SLC31A2: variants seen among roughly 807,000 people sequenced by gnomAD.
The protein encoded by SLC31A2 is protein SLC31A2.
SLC31A2 carries 16 observed loss-of-function variants against 14.4 expected under a neutral mutation model. The ratio of observed to expected loss-of-function variants is 1.11; its 90% CI spans 0.75 to 1.69. The LOEUF is 1.69. Ranked by LOEUF, SLC31A2 falls within the 40% of genes most tolerant of loss-of-function variation. The probability of loss-of-function intolerance (pLI) is 0.00; values close to 1 mark genes in which losing one functional copy is unlikely to be tolerated. For synonymous variants in SLC31A2, 56 were observed against 68.7 expected (o/e 0.82, Z 0.91); for missense variants, 140 against 173.9 (o/e 0.81, Z 1.10).
At chr9:113,157,672 G>T in intron 1 of SLC31A2, 55 bp from the exon 2 acceptor site, 1 of 1,419,946 alleles carries the variant, frequency 7.0e-7, no homozygotes, top group South Asian at 1.2e-5. Context: ...GAGCATTAAG[G>T]ACCGTAACTT....
intron 1 of SLC31A2, chr9:113,156,087 A>G (rs759806433): frequency 3.9e-6 from 2 of 518,978 alleles, no homozygotes; most frequent in South Asian, 2.8e-5. Context: ...CACATGGCAC[A>G]GCTTCCTGAC....
intron 1 of SLC31A2, among the ~76,000 whole-genome samples, chr9:113,154,806 G>A (rs1314591105): frequency 6.6e-6 from 1 of 152,162 alleles, no homozygotes; most frequent in Non-Finnish European, 1.5e-5. Context: ...GTTGTCCGCT[G>A]TTGTCCCTGG....
intron 3 of SLC31A2, chr9:113,162,203 C>A: frequency 3.6e-6 from 1 of 280,932 alleles, no homozygotes; most frequent in Non-Finnish European, 6.9e-6. Flanking sequence ...AGCCTGCCCG[C>A]TCCATCACTA....
intron 2 of SLC31A2, among the ~76,000 whole-genome samples, chr9:113,159,575 CT>C (rs1185396269): frequency 6.6e-6 from 1 of 152,110 alleles, no homozygotes; most frequent in Non-Finnish European, 1.5e-5. Flanking sequence ...CAACTTTTTC[CT>C]TTTCCTACGC....
intron 3 of SLC31A2, 168 bp from the exon 4 acceptor site, chr9:113,162,580 TG>T: frequency 2.7e-6 from 1 of 376,976 alleles, no homozygotes; most frequent in Non-Finnish European, 4.2e-6. Context: ...GAGTTTTTTC[TG>T]GGGGCGGGGG....
At chr9:113,156,069 A>G (rs1167547505) in intron 1 of SLC31A2, 2 of 518,842 alleles carry the variant, frequency 3.9e-6, no homozygotes, top group Non-Finnish European at 7.7e-6. Context: ...AGGAGGCTAC[A>G]GGACACCCAC....
rs1829869865 is a variant in SLC31A2 at position 113,151,786 on chromosome 9, AC to A, written c.6+710del. The A allele has an allele frequency of 2.6e-5, 4 of 152,172 alleles. No homozygotes were observed. In the South Asian group the frequency reaches 8.3e-4, roughly 32 times the overall value. The allele number at this position is 152,172 out of a possible 1,614,324, so 9.4% of individuals were successfully genotyped here. ...AGCTCAGCCTGGGCAACATAGCTAG[AC>A]CCCGTCTCTACAAAAATTAGCCACA... On this transcript the variant is annotated intron_variant, in intron 1 of 3. Coordinates refer to ENST00000259392, the MANE Select transcript of SLC31A2 (RefSeq NM_001860.3). This position sits in a 1 kb window ranked among gnomAD's most constrained non-coding sequence, Gnocchi z 4.2.
chr9:113,160,369 A>T (rs963227655), intron 2 of SLC31A2, among the ~76,000 whole-genome samples: 2 of 151,896 alleles, frequency 1.3e-5, no homozygotes, highest in Non-Finnish European at 2.9e-5. Context: ...AAAAAAAATT[A>T]TTCATATATA....
At position 113,157,734 on chromosome 9, in the gene SLC31A2, T is replaced by G. The variant is rs1224616077; in HGVS notation, c.14T>G (p.Phe5Cys). The G allele has an allele frequency of 6.2e-7, 1 of 1,612,294 alleles. No individual in the cohort carries two copies. Among genetic ancestry groups the G allele is most frequent in the Admixed American group, 1.7e-5 (1 of 59,836 alleles). ...GATTCCTTTCTCTTTCAGATGCATT[T>G]CATCTTCTCAGATACAGCGGTGCTT... MAMH[F>C]IFSDTAVLLF... Residue 5 changes from phenylalanine (F) to cysteine (C), a missense_variant, in exon 2 of 4, where the codon TTC becomes TGC. By Grantham distance (205) the Phe-to-Cys change is radical. Transcript: ENST00000259392.
rs1829867889 is a variant in SLC31A2, at chr9:113,151,604, C to G, written c.6+524C>G. On this transcript the variant is annotated intron_variant, in intron 1 of 3. Transcript: ENST00000259392. This position sits in a 1 kb window ranked among gnomAD's most constrained non-coding sequence, Gnocchi z 4.2. ...CCAGCTACTTTCCAGCTTCCCTACA[C>G]TTTCAGTCAGAAAACAGCGTTTCAG... The G allele has an allele frequency of 6.5e-6, 1 of 153,074 alleles. No homozygotes were observed. The highest frequency in any genetic ancestry group is 2.1e-4 in the South Asian group (1 of 4,840). The allele number at this position is 153,074 out of a possible 1,614,324, so 9.5% of individuals were successfully genotyped here.
chr9:113,161,388 AG>A lies in SLC31A2; in HGVS notation c.74-118del, dbSNP rs1225526487. 1.0e-5 allele frequency: 9 copies of A among 882,188 alleles called. No homozygotes were observed. In the Admixed American group the frequency reaches 1.1e-4, roughly 11 times the overall value. 54.6% of individuals were successfully genotyped at this position (882,188 alleles called of 1,614,324 possible). On this transcript the variant is annotated intron_variant, in intron 2 of 3. Transcript: ENST00000259392. ...CAGTGAAGAAGTTCGGAACTCAGCA[AG>A]GGTGGGGAAGAAGGTGCAGGATAGA...
At chr9:113,152,674 CAGGT>C (rs1476055960) in intron 1 of SLC31A2, among the ~76,000 whole-genome samples, 3 of 152,216 alleles carry the variant, frequency 2.0e-5, no homozygotes, top group African/African-American at 4.8e-5. Context: ...CCCTCATAGA[CAGGT>C]AGCTCCCTAA....
At chr9:113,159,452 T>G (rs1375213162) in intron 2 of SLC31A2, among the ~76,000 whole-genome samples, 1 of 152,162 alleles carries the variant, frequency 6.6e-6, no homozygotes, top group Non-Finnish European at 1.5e-5. Context: ...ATTGTATTCT[T>G]TTTTGCACTG....
chr9:113,151,065 C>G lies in SLC31A2; in HGVS notation c.-10C>G. ...AGACGCGGCCCTGGCGCCCGCCCTG[C>G]GCACTCACCATGGCGGTAAGGGCCG... On this transcript the variant is annotated 5_prime_UTR_variant, in exon 1 of 4. Coordinates refer to ENST00000259392, the MANE Select transcript of SLC31A2 (RefSeq NM_001860.3). The surrounding 1 kb of genome is among the most constrained non-coding windows in gnomAD (Gnocchi z 4.2). The G allele has an allele frequency of 3.1e-6, 4 of 1,307,810 alleles. No homozygotes were observed. The highest frequency in any genetic ancestry group is 3.9e-6 in the Non-Finnish European group (4 of 1,021,038). 81.0% of individuals were successfully genotyped at this position (1,307,810 alleles called of 1,614,324 possible).
chr9:113,161,903 A>C, intron 3 of SLC31A2: 1 of 679,276 alleles, frequency 1.5e-6, no homozygotes. Flanking sequence ...GTGAACAGCC[A>C]GCCACTTGAG....
In SLC31A2 at chr9:113,162,976, A is replaced by G. The variant is rs1830041159; in HGVS notation, c.*59A>G. On this transcript the variant is annotated 3_prime_UTR_variant, in exon 4 of 4. Transcript: ENST00000259392. Reference sequence around the variant, plus strand: ...GGACATGGAGCCCCCTCTTCCAGACACTATACTTCCAACTGCCCTTTCTTC... The same window carrying G: ...GGACATGGAGCCCCCTCTTCCAGACGCTATACTTCCAACTGCCCTTTCTTC... 3.5e-6 allele frequency: 5 copies of G among 1,420,980 alleles called. No individual in the cohort carries two copies. Among genetic ancestry groups the G allele is most frequent in the Middle Eastern group, 5.3e-4 (2 of 3,768 alleles). The allele number at this position is 1,420,980 out of a possible 1,614,324, so 88.0% of individuals were successfully genotyped here. A position where few individuals can be genotyped will look rare whatever the true frequency, so the allele number is the denominator to read the frequency against.
intron 1 of SLC31A2, among the ~76,000 whole-genome samples, chr9:113,154,580 A>G (rs986861404): frequency 1.2e-4 from 19 of 152,184 alleles, no homozygotes; most frequent in African/African-American, 4.6e-4. Flanking sequence ...AGGAATCTGT[A>G]CTTTTAATAA....
intron 1 of SLC31A2, among the ~76,000 whole-genome samples, chr9:113,153,539 G>A (rs1176855783): frequency 2.6e-5 from 4 of 152,186 alleles, no homozygotes; most frequent in South Asian, 2.1e-4. Context: ...CCTGATTGCC[G>A]AGTGACCATG....
At chr9:113,160,159 G>A (rs550163445) in intron 2 of SLC31A2, among the ~76,000 whole-genome samples, 47 of 152,012 alleles carry the variant, frequency 3.1e-4, no homozygotes, top group African/African-American at 1.0e-3. Flanking sequence ...CCAAGATTGC[G>A]CCACTGCACT....
Sources: allele counts gnomAD v4.1 joint callset (sites outside exome capture counted in the v4.1 genomes callset), GRCh38; gene constraint gnomAD v4.1.1; non-coding constraint Gnocchi (gnomAD v3.1); transcripts MANE v1.5; gene names NCBI Gene and HGNC (gene_info 2026-07-23, HGNC 2026-07-21).